Variants in TPD52L1 observed in about 807,000 individuals in gnomAD.
The protein encoded by TPD52L1 is TPD52 like 1, also known as tumor protein D53.
TPD52L1 carries 18 observed loss-of-function variants against 28.7 expected under a neutral mutation model. That is an observed-to-expected ratio of 0.63 (90% CI 0.43 to 0.93). TPD52L1 has a LOEUF of 0.93. Ranked by LOEUF, TPD52L1 falls within the 40% of genes least tolerant of loss-of-function variation. The pLI is 0.00. For synonymous variants in TPD52L1, 75 were observed against 88.8 expected (o/e 0.84, Z 0.88); for missense variants, 203 against 254.8 (o/e 0.80, Z 1.39).
At chr6:125,179,376 C>T (rs1411107876) in intron 1 of TPD52L1, among the ~76,000 whole-genome samples, 2 of 152,242 alleles carry the variant, frequency 1.3e-5, no homozygotes, top group Non-Finnish European at 2.9e-5. Flanking sequence ...TCATGTCCCA[C>T]TCAGCCTCTT....
chr6:125,157,726 A>G (rs983357199), intron 1 of TPD52L1, among the ~76,000 whole-genome samples: 43 of 152,150 alleles, frequency 2.8e-4, no homozygotes, highest in African/African-American at 9.9e-4. Context: ...ACCTTTCCCA[A>G]CGTCTTTAAT....
chr6:125,204,342 A>G (rs1793974512), intron 1 of TPD52L1, among the ~76,000 whole-genome samples: 1 of 152,252 alleles, frequency 6.6e-6, no homozygotes, highest in Admixed American at 6.5e-5. Context: ...TGGTATACTG[A>G]TGCGTGCTGA....
At chr6:125,181,959 C>A (rs1792222226) in intron 1 of TPD52L1, among the ~76,000 whole-genome samples, 1 of 152,142 alleles carries the variant, frequency 6.6e-6, no homozygotes, top group Non-Finnish European at 1.5e-5. Flanking sequence ...CACAGCCACT[C>A]CCCAGATGGC....
At chr6:125,188,835 A>C (rs1006439077) in intron 1 of TPD52L1, among the ~76,000 whole-genome samples, 1 of 152,226 alleles carries the variant, frequency 6.6e-6, no homozygotes, top group Non-Finnish European at 1.5e-5. Context: ...ACAGTTGCTC[A>C]GTGAGGTCAA....
intron 1 of TPD52L1, among the ~76,000 whole-genome samples, chr6:125,164,371 T>C (rs1321378267): frequency 2.0e-5 from 3 of 152,152 alleles, no homozygotes; most frequent in African/African-American, 7.2e-5. Flanking sequence ...TTGTTCTGTT[T>C]TCAAGATGAA....
chr6:125,172,544 ATATATATAATATATATAC>A (rs1791534792), intron 1 of TPD52L1, among the ~76,000 whole-genome samples: 1 of 97,200 alleles, frequency 1.0e-5, no homozygotes, highest in Non-Finnish European at 1.9e-5. Context: ...ATATATATAT[ATATATATAATATATATAC>A]TATATGGCAT....
At chr6:125,216,190 C>G (rs761592770) in intron 1 of TPD52L1, among the ~76,000 whole-genome samples, 8 of 152,150 alleles carry the variant, frequency 5.3e-5, no homozygotes, top group Non-Finnish European at 8.8e-5. Flanking sequence ...TCCCTACATT[C>G]TCTTGAGTCT....
chr6:125,224,470 CCT>C (rs58505448), intron 2 of TPD52L1, among the ~76,000 whole-genome samples: 558 of 141,628 alleles, frequency 3.9e-3, no homozygotes, highest in Middle Eastern at 7.6e-3. Flanking sequence ...AGGCTCTGGG[CCT>C]CTCTCTCTCT....
chr6:125,256,574 G>A (rs1797615445), intron 5 of TPD52L1, among the ~76,000 whole-genome samples: 2 of 152,086 alleles, frequency 1.3e-5, no homozygotes, highest in Non-Finnish European at 2.9e-5. Flanking sequence ...GCATGGAAAA[G>A]AAAAAATATA....
chr6:125,172,549 T>TAC (rs1554202699), intron 1 of TPD52L1, among the ~76,000 whole-genome samples: 6 of 92,042 alleles, frequency 6.5e-5, no homozygotes, highest in African/African-American at 3.0e-4. Context: ...TATATATATA[T>TAC]ATAATATATA....
chr6:125,177,855 T>C (rs1447375663), intron 1 of TPD52L1, among the ~76,000 whole-genome samples: 1 of 152,202 alleles, frequency 6.6e-6, no homozygotes, highest in Non-Finnish European at 1.5e-5. Flanking sequence ...ACACATTCAA[T>C]TAATATACTC....
intron 1 of TPD52L1, among the ~76,000 whole-genome samples, chr6:125,159,574 C>G (rs1790372754): frequency 6.6e-6 from 1 of 152,182 alleles, no homozygotes; most frequent in African/African-American, 2.4e-5. Context: ...GACCACCTCC[C>G]ATGAATTACG....
chr6:125,176,190 G>T (rs1001051624), intron 1 of TPD52L1, among the ~76,000 whole-genome samples: 5 of 152,180 alleles, frequency 3.3e-5, no homozygotes, highest in African/African-American at 1.2e-4. Context: ...ACAATAATTT[G>T]GTGGCATTTT....
intron 2 of TPD52L1, among the ~76,000 whole-genome samples, chr6:125,228,490 C>T (rs1025223699): frequency 1.3e-5 from 2 of 152,208 alleles, no homozygotes; most frequent in Admixed American, 1.3e-4. Context: ...GGCAAAACCC[C>T]ATTGTCTGCC....
In TPD52L1 at chr6:125,154,431, G is replaced by T. The variant is rs1051788959; in HGVS notation, c.19+461G>T. ...AGTGAGAGGATCGCCCGCCGAGGGG[G>T]TGGCTCCGCAGCCCGGCTGCGCGAG... is the stretch of plus-strand genomic sequence containing the variant. On this transcript the variant is annotated intron_variant, in intron 1 of 6. Coordinates refer to ENST00000534000, the MANE Select transcript of TPD52L1 (RefSeq NM_003287.4). 11 of 988,204 alleles carry T rather than the reference G, an allele frequency of 1.1e-5. No individual in the cohort carries two copies. The African/African-American group carries it at 1.7e-4, about 16-fold the overall frequency. 61.2% of individuals were successfully genotyped at this position (988,204 alleles called of 1,614,324 possible).
At chr6:125,234,538 CAT>C (rs1185266758) in intron 3 of TPD52L1, 1 of 152,152 alleles carries the variant, frequency 6.6e-6, no homozygotes, top group Non-Finnish European at 1.5e-5. Context: ...TTAAGGAAAA[CAT>C]ATTGTTCCTC....
At chr6:125,170,033 G>T (rs1030077240) in intron 1 of TPD52L1, among the ~76,000 whole-genome samples, 2 of 152,086 alleles carry the variant, frequency 1.3e-5, no homozygotes, top group Admixed American at 6.5e-5. Flanking sequence ...ACTTTCTTTG[G>T]TTTTTTACCT....
intron 1 of TPD52L1, among the ~76,000 whole-genome samples, chr6:125,180,147 A>G (rs1007950515): frequency 6.6e-6 from 1 of 152,190 alleles, no homozygotes; most frequent in Non-Finnish European, 1.5e-5. Flanking sequence ...TGTTGTACTC[A>G]GAGGCTTTGG....
At chr6:125,251,679 G>A (rs755502297) in intron 4 of TPD52L1, among the ~76,000 whole-genome samples, 7 of 152,082 alleles carry the variant, frequency 4.6e-5, no homozygotes, top group African/African-American at 9.7e-5. Flanking sequence ...AAATCCAAGC[G>A]GTTGGAATCA....
Sources: allele counts gnomAD v4.1 joint callset (sites outside exome capture counted in the v4.1 genomes callset), GRCh38; gene constraint gnomAD v4.1.1; transcripts MANE v1.5; gene names NCBI Gene and HGNC (gene_info 2026-07-23, HGNC 2026-07-21).